Variants in TPD52L1 observed in about 807,000 individuals in gnomAD.
The protein encoded by TPD52L1 is TPD52 like 1, also known as tumor protein D53.
TPD52L1 carries 18 observed loss-of-function variants against 28.7 expected under a neutral mutation model. The ratio of observed to expected loss-of-function variants is 0.63; its 90% CI spans 0.43 to 0.93. The LOEUF (loss-of-function observed/expected upper bound fraction) is 0.93. Among genes scored for constraint, TPD52L1 ranks in the 40% least tolerant of loss-of-function variants. The pLI, the probability that TPD52L1 is intolerant of heterozygous loss-of-function variation, is 0.00. For missense variants in TPD52L1, 203 were observed against 254.8 expected (o/e 0.80, Z 1.39); for synonymous variants, 75 against 88.8 (o/e 0.84, Z 0.88).
chr6:125,222,578 C>T (rs562115905), intron 2 of TPD52L1, among the ~76,000 whole-genome samples: 3 of 152,288 alleles, frequency 2.0e-5, no homozygotes, highest in African/African-American at 7.2e-5. Flanking sequence ...CCCTACTTTC[C>T]TCGTCTCTTC....
At chr6:125,206,448 C>G (rs1387253004) in intron 1 of TPD52L1, among the ~76,000 whole-genome samples, 1 of 151,984 alleles carries the variant, frequency 6.6e-6, no homozygotes, top group South Asian at 2.1e-4. Context: ...GAACATGATA[C>G]TCATTATTCT....
At chr6:125,222,594 A>C (rs1188509064) in intron 2 of TPD52L1, among the ~76,000 whole-genome samples, 2 of 152,210 alleles carry the variant, frequency 1.3e-5, no homozygotes, top group African/African-American at 4.8e-5. Flanking sequence ...TCTTCTGTGA[A>C]ATAAATAATT....
intron 1 of TPD52L1, among the ~76,000 whole-genome samples, chr6:125,178,440 G>C (rs1791955224): frequency 6.6e-6 from 1 of 151,946 alleles, no homozygotes; most frequent in Admixed American, 6.6e-5. Context: ...GGCCAATATG[G>C]TGAAACCTTG....
At chr6:125,155,926 G>T (rs480911) in intron 1 of TPD52L1, among the ~76,000 whole-genome samples, 69,973 of 151,496 alleles carry the variant, frequency 0.46, 16,764 homozygotes, top group African/African-American at 0.6. Flanking sequence ...TTTTTGCCAT[G>T]ACTTTTTAAT....
intron 1 of TPD52L1, 89 bp from the exon 2 acceptor site, chr6:125,219,985 TGTCA>T (rs1483127485): frequency 1.6e-5 from 14 of 862,034 alleles, no homozygotes; most frequent in Non-Finnish European, 2.8e-5. Context: ...TGGGAGGGTC[TGTCA>T]GTGCATCTAG....
At chr6:125,232,009 A>T (rs1795981090) in intron 3 of TPD52L1, among the ~76,000 whole-genome samples, 1 of 152,216 alleles carries the variant, frequency 6.6e-6, no homozygotes, top group Non-Finnish European at 1.5e-5. Context: ...GAGGAGAGGC[A>T]CAATAATTCG....
intron 1 of TPD52L1, among the ~76,000 whole-genome samples, chr6:125,174,517 T>C (rs920796169): frequency 6.6e-6 from 1 of 152,174 alleles, no homozygotes; most frequent in African/African-American, 2.4e-5. Context: ...TTGTACCTAC[T>C]AAAAAAGACC....
At position 125,198,140 on chromosome 6, in the gene TPD52L1, C is replaced by T. The variant is rs116111848; in HGVS notation, c.20-21938C>T. On this transcript the variant is annotated intron_variant, in intron 1 of 6. Transcript: ENST00000534000. ...TGCTTTGCCCTCTGAGAGAAGGAGC[C>T]GAAGCTCTGTCTACCTTCAGGGACA... is the stretch of plus-strand genomic sequence containing the variant. 4.1e-3 allele frequency among the ~76,000 whole-genome samples: 630 copies of T among 152,164 alleles called. 5 individuals carry two copies. Among genetic ancestry groups the T allele is most frequent in the African/African-American group, 0.013 (545 of 41,504 alleles).
At chr6:125,259,542 A>C (rs978531644) in intron 6 of TPD52L1, among the ~76,000 whole-genome samples, 1 of 152,224 alleles carries the variant, frequency 6.6e-6, no homozygotes, top group Admixed American at 6.5e-5. Flanking sequence ...CAAACAAGTA[A>C]ATGCAGAACG....
chr6:125,158,002 T>C (rs523594), intron 1 of TPD52L1, among the ~76,000 whole-genome samples: 53,299 of 151,798 alleles, frequency 0.35, 9,649 homozygotes, highest in Admixed American at 0.44. Flanking sequence ...CCGACATTCT[T>C]GGGCTGCATC....
intron 1 of TPD52L1, among the ~76,000 whole-genome samples, chr6:125,212,099 T>C (rs1445132531): frequency 6.6e-6 from 1 of 152,176 alleles, no homozygotes; most frequent in South Asian, 2.1e-4. Flanking sequence ...TTTGAAGTTT[T>C]ATGTTAAGGA....
intron 1 of TPD52L1, among the ~76,000 whole-genome samples, chr6:125,172,201 C>CT (rs1293555872): frequency 8.8e-6 from 1 of 113,068 alleles, no homozygotes. Flanking sequence ...TTCTTTCTTT[C>CT]TTTCTTCTTT....
intron 4 of TPD52L1, chr6:125,252,015 G>C: frequency 2.6e-6 from 4 of 1,536,040 alleles, no homozygotes; most frequent in Non-Finnish European, 3.5e-6. Context: ...GTGCTTCCGG[G>C]CTGCAGGTCT....
chr6:125,161,702 G>A (rs1383891499), intron 1 of TPD52L1, among the ~76,000 whole-genome samples: 1 of 152,136 alleles, frequency 6.6e-6, no homozygotes, highest in Non-Finnish European at 1.5e-5. Context: ...ACTGGTTAAG[G>A]TCACCATCTT....
chr6:125,232,355 C>T (rs910239913), intron 3 of TPD52L1, among the ~76,000 whole-genome samples: 3 of 152,064 alleles, frequency 2.0e-5, no homozygotes, highest in Admixed American at 6.6e-5. Context: ...GGGAAGGCAG[C>T]GGATCTTAAT....
chr6:125,258,259 CT>C (rs1797720808), intron 6 of TPD52L1, among the ~76,000 whole-genome samples: 1 of 152,092 alleles, frequency 6.6e-6, no homozygotes, highest in Admixed American at 6.5e-5. Context: ...TTTACCATGC[CT>C]TCATCAGTTT....
intron 2 of TPD52L1, among the ~76,000 whole-genome samples, chr6:125,226,890 A>G (rs1430194867): frequency 1.3e-5 from 2 of 152,172 alleles, no homozygotes; most frequent in African/African-American, 4.8e-5. Context: ...CATGATAACA[A>G]AAGAATAGAA....
Position 125,153,915 on chromosome 6 carries a change from G to C in TPD52L1, c.-37G>C, listed in dbSNP as rs548809607. The C allele has an allele frequency of 3.1e-6, 5 of 1,594,326 alleles. No homozygotes were observed. The East Asian group carries it at 9.1e-5, about 29-fold the overall frequency. On this transcript the variant is annotated 5_prime_UTR_variant, in exon 1 of 7. Coordinates refer to ENST00000534000, the MANE Select transcript of TPD52L1 (RefSeq NM_003287.4). ...CTGCCATCTGCTCTGGGAAGCACCA[G>C]GGTGTCCCCGCCGCCCTCAGCTCGA...
intron 1 of TPD52L1, among the ~76,000 whole-genome samples, chr6:125,175,420 C>T (rs1425210484): frequency 1.3e-5 from 2 of 152,142 alleles, no homozygotes; most frequent in African/African-American, 4.8e-5. Flanking sequence ...ATAGAATTTT[C>T]AGTACTCTAC....
Sources: gnomAD v4.1 joint callset for allele counts (sites outside exome capture counted in the v4.1 genomes callset) on GRCh38, gnomAD v4.1.1 for gene constraint, MANE v1.5 for transcripts, NCBI Gene and HGNC (gene_info 2026-07-23, HGNC 2026-07-21) for gene names.